The following SHROOM4 variants were observed in gnomAD, a reference collection of about 807,000 sequenced individuals.
SHROOM4 encodes protein Shroom4.
SHROOM4 carries 17 observed loss-of-function variants against 80.3 expected under a neutral mutation model. That is an observed-to-expected ratio of 0.21 (90% CI 0.14 to 0.32). The LOEUF (loss-of-function observed/expected upper bound fraction) is 0.32. Ranked by LOEUF, SHROOM4 falls within the 10% of genes least tolerant of loss-of-function variation. SHROOM4 has a pLI of 1.00. For synonymous variants in SHROOM4, 400 were observed against 437.5 expected (o/e 0.91, Z 1.07); for missense variants, 993 against 1,140.3 (o/e 0.87, Z 1.86).
At chrX:50,714,853 C>T (rs7892589) in intron 1 of SHROOM4, among the ~76,000 whole-genome samples, 4,603 of 111,420 alleles carry the variant, frequency 0.041, 263 homozygotes, top group African/African-American at 0.14. Flanking sequence ...GATCATGAAG[C>T]TTCAGAGAAT....
rs144468706 is a variant in SHROOM4, at chrX:50,690,256, T to C, written c.269+5530A>G. ...CAAATATATTAAGGTACAATTATAGTAGTGCGCCTTTAATTTAAAAAATCT... is the reference window on the plus strand; with the variant it reads ...CAAATATATTAAGGTACAATTATAGCAGTGCGCCTTTAATTTAAAAAATCT... On this transcript the variant is annotated intron_variant, in intron 2 of 8. Transcript: ENST00000376020. 4.9e-3 allele frequency among the ~76,000 whole-genome samples: 554 copies of C among 111,990 alleles called. 6 individuals carry two copies. Among genetic ancestry groups the C allele is most frequent in the African/African-American group, 0.017 (540 of 30,926 alleles).
intron 2 of SHROOM4, among the ~76,000 whole-genome samples, chrX:50,676,426 T>C (rs1254361455): frequency 9.0e-6 from 1 of 111,416 alleles, no homozygotes; most frequent in African/African-American, 3.3e-5. Context: ...GGACATTAAA[T>C]TGGCTGTGAA....
intron 2 of SHROOM4, among the ~76,000 whole-genome samples, chrX:50,656,584 C>G (rs187694490): frequency 9.0e-5 from 10 of 111,352 alleles, no homozygotes; most frequent in Admixed American, 4.8e-4. Flanking sequence ...TATTTTTGGG[C>G]TCTCTCTTCT....
chrX:50,771,773 G>T (rs1557269742), intron 1 of SHROOM4, among the ~76,000 whole-genome samples: 1 of 112,183 alleles, frequency 8.9e-6, no homozygotes, highest in Non-Finnish European at 1.9e-5. Context: ...GTGCAAAGGT[G>T]TACGTACACA....
chrX:50,691,400 G>T (rs1250439773), intron 2 of SHROOM4, among the ~76,000 whole-genome samples: 12 of 111,619 alleles, frequency 1.1e-4, no homozygotes, highest in Non-Finnish European at 1.1e-4. Flanking sequence ...TTTGGAGAAT[G>T]GATTGATTAG....
intron 1 of SHROOM4, among the ~76,000 whole-genome samples, chrX:50,767,242 G>C (rs781994380): frequency 1.5e-4 from 17 of 112,131 alleles, no homozygotes; most frequent in Non-Finnish European, 3.0e-4. Context: ...CTTTTTATAA[G>C]AGTAAAAATT....
the SHROOM4 span, among the ~76,000 whole-genome samples, chrX:50,579,301 T>C: frequency 2.7e-5 from 3 of 112,051 alleles, no homozygotes; most frequent in Non-Finnish European, 5.6e-5. Flanking sequence ...CTCTAAATGT[T>C]GAAAACATCC....
At chrX:50,798,796 G>A (rs868982561) in intron 1 of SHROOM4, among the ~76,000 whole-genome samples, 4 of 111,426 alleles carry the variant, frequency 3.6e-5, no homozygotes, top group East Asian at 5.6e-4. Flanking sequence ...TCACCAGCCC[G>A]GAGTTAGGGT....
chrX:50,759,278 T>C (rs1935099848), intron 1 of SHROOM4, among the ~76,000 whole-genome samples: 1 of 111,826 alleles, frequency 8.9e-6, no homozygotes, highest in Non-Finnish European at 1.9e-5. Flanking sequence ...CACATGCACA[T>C]GCAGAAAGGA....
At position 50,795,088 on chromosome X, in the gene SHROOM4, G is replaced by GAT. The variant is rs782096933; in HGVS notation, c.117+18812_117+18813dup. On this transcript the variant is annotated intron_variant, in intron 1 of 8. Transcript: ENST00000376020. Reference sequence around the variant, plus strand: ...ATATATATATATGATATATATATATGATATATATATATGATATATATATAT... The same window carrying GAT: ...ATATATATATATGATATATATATATGATATATATATATATGATATATATATAT... Among the ~76,000 whole-genome samples the GAT allele has an allele frequency of 3.2e-4, 9 of 28,149 alleles. 2 individuals are homozygous for GAT. Among genetic ancestry groups the GAT allele is most frequent in the African/African-American group, 2.0e-3 (9 of 4,550 alleles). The allele number at this position is 28,149 out of a possible 115,157, so 24.4% of individuals were successfully genotyped here. A position where few individuals can be genotyped will look rare whatever the true frequency, so the allele number is the denominator to read the frequency against.
chrX:50,810,147 T>C (rs1936301630), intron 1 of SHROOM4, among the ~76,000 whole-genome samples: 1 of 110,708 alleles, frequency 9.0e-6, no homozygotes, highest in African/African-American at 3.3e-5. Context: ...CCAGCAATAG[T>C]ATTAAAAAAT....
At chrX:50,659,100 T>C (rs1315793264) in intron 2 of SHROOM4, among the ~76,000 whole-genome samples, 1 of 111,543 alleles carries the variant, frequency 9.0e-6, no homozygotes, top group African/African-American at 3.3e-5. Context: ...GAATAGCATA[T>C]TAAAATCATG....
chrX:50,812,866 G>A (rs1936369563), intron 1 of SHROOM4, among the ~76,000 whole-genome samples: 1 of 112,137 alleles, frequency 8.9e-6, no homozygotes, highest in African/African-American at 3.2e-5. Context: ...AAGCGGGAGG[G>A]CTTTTCGGAT....
rs1557244888 is a variant in SHROOM4 at position 50,586,817 on chromosome X, T to C, written c.*9878A>G. ...TATCTTTGGTGAAAATCTTTTATTG[T>C]ATATATTTAAGGTGTACAAATGATG... On this transcript the variant is annotated 3_prime_UTR_variant, in exon 9 of 9. Transcript: ENST00000376020. Among the ~76,000 whole-genome samples, 1 of 112,324 alleles carries C rather than the reference T, an allele frequency of 8.9e-6. No homozygotes were observed. The highest frequency in any genetic ancestry group is 3.2e-5 in the African/African-American group (1 of 30,932).
intron 6 of SHROOM4, among the ~76,000 whole-genome samples, chrX:50,605,214 G>A (rs1335303320): frequency 1.8e-5 from 2 of 111,277 alleles, no homozygotes; most frequent in African/African-American, 3.3e-5. Flanking sequence ...TATCTCCCTG[G>A]GCCTTGCTTT....
intron 5 of SHROOM4, among the ~76,000 whole-genome samples, chrX:50,627,080 T>C (rs112304968): frequency 0.042 from 4,645 of 111,652 alleles, 218 homozygotes; most frequent in African/African-American, 0.14. Flanking sequence ...TGTGCCTCAA[T>C]TTCTTCTCTC....
intron 2 of SHROOM4, among the ~76,000 whole-genome samples, chrX:50,684,168 G>A (rs1933005717): frequency 8.9e-6 from 1 of 111,833 alleles, no homozygotes; most frequent in Non-Finnish European, 1.9e-5. Context: ...GATGTAATTA[G>A]TTATTATGAA....
In SHROOM4 at chrX:50,694,543, A is replaced by ATTTTTTTTTTTTT. The variant is rs782530547; in HGVS notation, c.269+1230_269+1242dup. ...AGGTCTTTGCCCATTTTTAAGTTGGATTTTTTTTTTTTTTTTTTTTTTTTT... is the reference window on the plus strand; with the variant it reads ...AGGTCTTTGCCCATTTTTAAGTTGGATTTTTTTTTTTTTTTTTTTTTTTTTTTTTTTTTTTTTT... On this transcript the variant is annotated intron_variant, in intron 2 of 8. Coordinates refer to ENST00000376020, the MANE Select transcript of SHROOM4 (RefSeq NM_020717.5). Among the ~76,000 whole-genome samples, 30 of 12,493 alleles carry ATTTTTTTTTTTTT rather than the reference A, an allele frequency of 2.4e-3. 10 individuals are homozygous for ATTTTTTTTTTTTT. Among genetic ancestry groups the ATTTTTTTTTTTTT allele is most frequent in the East Asian group, 7.8e-3 (2 of 258 alleles). 10.8% of individuals were successfully genotyped at this position (12,493 alleles called of 115,157 possible). A position where few individuals can be genotyped will look rare whatever the true frequency, so the allele number is the denominator to read the frequency against.
intron 1 of SHROOM4, among the ~76,000 whole-genome samples, chrX:50,716,468 AT>A (rs1191898025): frequency 8.9e-6 from 1 of 111,796 alleles, no homozygotes; most frequent in Non-Finnish European, 1.9e-5. Context: ...AATATATATA[AT>A]TTTTATGTCA....
Sources: allele counts gnomAD v4.1 joint callset (sites outside exome capture counted in the v4.1 genomes callset), GRCh38; gene constraint gnomAD v4.1.1; transcripts MANE v1.5; gene names NCBI Gene and HGNC (gene_info 2026-07-23, HGNC 2026-07-21).